Variants in EFCAB8 observed in about 807,000 individuals in gnomAD.
EFCAB8 encodes the protein EF-hand calcium binding domain 8.
In EFCAB8, 100 loss-of-function variants were observed where a neutral mutation model predicts 116.3. That is an observed-to-expected ratio of 0.86 (90% CI 0.73 to 1.02). The LOEUF is 1.02. Among genes scored for constraint, EFCAB8 ranks in the 50% least tolerant of loss-of-function variants. EFCAB8 has a pLI of 0.00. For synonymous variants in EFCAB8, 558 were observed against 567.9 expected (o/e 0.98, Z 0.25); for missense variants, 1,320 against 1,416.9 (o/e 0.93, Z 1.10).
At position 32,959,409 on chromosome 20, in the gene EFCAB8, T is replaced by C. The variant is rs565168976; in HGVS notation, c.3090-369T>C. Reference sequence around the variant, plus strand: ...TGACTCCTATGCTTCCATCAAGGCATACATCTTGACAGTACAGTGGAGGGA... The same window carrying C: ...TGACTCCTATGCTTCCATCAAGGCACACATCTTGACAGTACAGTGGAGGGA... On this transcript the variant is annotated intron_variant, in intron 24 of 26. Coordinates refer to ENST00000400522, the MANE Select transcript of EFCAB8 (RefSeq NM_001143967.2). Among the ~76,000 whole-genome samples, 3 of 152,328 alleles carry C rather than the reference T, an allele frequency of 2.0e-5. No homozygotes were observed. The South Asian group carries it at 6.2e-4, about 32-fold the overall frequency.
chr20:32,943,510 C>T (rs1988470612), intron 22 of EFCAB8, 126 bp from the exon 23 acceptor site: 2 of 414,790 alleles, frequency 4.8e-6, no homozygotes, highest in Non-Finnish European at 8.9e-6. Flanking sequence ...GCATCTAGAA[C>T]TAGAACGCTA....
rs1983964097 is a variant in EFCAB8, at chr20:32,859,015, G to A, written c.-11+9G>A. ...GATCAAATTGAGTCAGGGTGAGTGA[G>A]GGTTTTAGGTGAAAGTTGCTCTCCA... On this transcript the variant is annotated intron_variant, in intron 1 of 26. Coordinates refer to ENST00000400522, the MANE Select transcript of EFCAB8 (RefSeq NM_001143967.2). 1 of 471,048 alleles carries A rather than the reference G, an allele frequency of 2.1e-6. No individual in the cohort carries two copies. Among genetic ancestry groups the A allele is most frequent in the African/African-American group, 2.0e-5 (1 of 50,078 alleles). The allele number at this position is 471,048 out of a possible 1,614,324, so 29.2% of individuals were successfully genotyped here.
At chr20:32,868,237 A>G (rs983215377) in intron 3 of EFCAB8, among the ~76,000 whole-genome samples, 1 of 152,054 alleles carries the variant, frequency 6.6e-6, no homozygotes, top group African/African-American at 2.4e-5. Context: ...TAAAAAAATA[A>G]TAATTGTAGA....
At chr20:32,955,602 A>G (rs978217779) in intron 23 of EFCAB8, among the ~76,000 whole-genome samples, 2 of 152,212 alleles carry the variant, frequency 1.3e-5, no homozygotes, top group African/African-American at 4.8e-5. Flanking sequence ...TCAGTATTCG[A>G]GAGTCCTGTT....
At chr20:32,919,315 G>GCT in intron 19 of EFCAB8, among the ~76,000 whole-genome samples, 1 of 152,224 alleles carries the variant, frequency 6.6e-6, no homozygotes, top group Middle Eastern at 3.4e-3. Flanking sequence ...CACAATAATT[G>GCT]CTAGGCATAG....
intron 21 of EFCAB8, 45 bp downstream of exon 21, chr20:32,930,661 A>C (rs1404378606): frequency 3.9e-6 from 6 of 1,527,354 alleles, no homozygotes; most frequent in Non-Finnish European, 5.3e-6. Context: ...GTGCCAGCTA[A>C]GTGTTCGGCC....
chr20:32,947,283 A>G (rs1433924720), intron 23 of EFCAB8, among the ~76,000 whole-genome samples: 6 of 152,244 alleles, frequency 3.9e-5, no homozygotes, highest in Non-Finnish European at 7.3e-5. Flanking sequence ...TGAGATTTCA[A>G]TATTCTCTCA....
Position 32,863,846 on chromosome 20 carries a change from A to C in EFCAB8, c.42+12A>C. ...CTCAACTCCAAAAGGTAAGAAAGACAATTATCTGAACTAATAAAGGGTGGG... is the reference window on the plus strand; with the variant it reads ...CTCAACTCCAAAAGGTAAGAAAGACCATTATCTGAACTAATAAAGGGTGGG... On this transcript the variant is annotated intron_variant, in intron 2 of 26. Coordinates refer to ENST00000400522, the MANE Select transcript of EFCAB8 (RefSeq NM_001143967.2). 6.4e-7 allele frequency: 1 copy of C among 1,551,322 alleles called. No homozygotes were observed. The highest frequency in any genetic ancestry group is 8.7e-7 in the Non-Finnish European group (1 of 1,146,796).
In EFCAB8 at chr20:32,917,483, C is replaced by A. The variant is rs192899655; in HGVS notation, c.2039C>A (p.Pro680His). 1.4e-4 allele frequency: 215 copies of A among 1,551,926 alleles called. No homozygotes were observed. In the African/African-American group the frequency reaches 2.1e-3, roughly 15 times the overall value. ...PIFNFNASRSPSPLQPKRVQD... is the reference protein window; with the variant it reads ...PIFNFNASRSHSPLQPKRVQD... ...TTCAACTTCAATGCCTCTAGGAGCC[C>A]CTCGCCCTTGCAGCCCAAGAGGGTA... Residue 680 changes from proline (P) to histidine (H), a missense_variant, in exon 18 of 27, where the codon CCC becomes CAC. Physicochemically the swap from Pro to His is moderately conservative, Grantham distance 77. Transcript: ENST00000400522.
Position 32,906,998 on chromosome 20 carries a change from C to T in EFCAB8, c.1308+4C>T, listed in dbSNP as rs1225384964. The T allele has an allele frequency of 9.3e-6, 14 of 1,500,204 alleles. No homozygotes were observed. Among genetic ancestry groups the T allele is most frequent in the East Asian group, 7.4e-5 (3 of 40,488 alleles). The allele number at this position is 1,500,204 out of a possible 1,614,324, so 92.9% of individuals were successfully genotyped here. A position where few individuals can be genotyped will look rare whatever the true frequency, so the allele number is the denominator to read the frequency against. The stretch of plus-strand genomic sequence containing the variant: ...CATCAGTGTCTCCAAGGACAAGGTC[C>T]GCCCCGACGGTCCGCCTGACTCCTT... On this transcript the variant is annotated splice_donor_region_variant and intron_variant, in intron 13 of 26. Transcript: ENST00000400522.
intron 17 of EFCAB8, among the ~76,000 whole-genome samples, chr20:32,915,562 C>T (rs1023115087): frequency 1.3e-4 from 20 of 152,178 alleles, no homozygotes; most frequent in African/African-American, 4.8e-4. Flanking sequence ...GCTTTCTCTG[C>T]ATCTGTCCTC....
At chr20:32,898,657 G>C (rs562057337) in intron 11 of EFCAB8, 34 bp downstream of exon 11, 1 of 714,232 alleles carries the variant, frequency 1.4e-6, no homozygotes, top group South Asian at 1.5e-5. Context: ...TAAGGCGGTG[G>C]GGCTGGAAGG....
chr20:32,937,232 G>A (rs533362040), intron 22 of EFCAB8, among the ~76,000 whole-genome samples: 11 of 151,892 alleles, frequency 7.2e-5, no homozygotes, highest in East Asian at 5.8e-4. Context: ...CGACTGCCTC[G>A]GCCTCCCAAA....
At chr20:32,959,688 C>A in intron 24 of EFCAB8, 90 bp from the exon 25 acceptor site, 1 of 952,066 alleles carries the variant, frequency 1.1e-6, no homozygotes, top group Non-Finnish European at 1.5e-6. Flanking sequence ...AAGGATCAGG[C>A]CAGGAAGGGG....
At chr20:32,914,502 G>T (rs1987091182) in intron 17 of EFCAB8, among the ~76,000 whole-genome samples, 1 of 152,154 alleles carries the variant, frequency 6.6e-6, no homozygotes. Context: ...TATAAAGAAT[G>T]CCTGAGACTG....
intron 20 of EFCAB8, among the ~76,000 whole-genome samples, chr20:32,920,517 T>C (rs1309281660): frequency 6.6e-6 from 1 of 152,116 alleles, no homozygotes; most frequent in Non-Finnish European, 1.5e-5. Flanking sequence ...CTCACAATCA[T>C]GGCGGGAGGC....
At chr20:32,887,879 T>A (rs1487002152) in intron 6 of EFCAB8, among the ~76,000 whole-genome samples, 1 of 152,214 alleles carries the variant, frequency 6.6e-6, no homozygotes, top group African/African-American at 2.4e-5. Flanking sequence ...GAACAAATTA[T>A]CGGTTAGTAA....
chr20:32,961,114 C>T (rs1430381864), intron 26 of EFCAB8, 22 bp from the exon 27 acceptor site: 2 of 1,548,552 alleles, frequency 1.3e-6, no homozygotes, highest in Admixed American at 3.9e-5. Flanking sequence ...CCCATTCCCG[C>T]TCCCCACTCT....
At chr20:32,918,669 T>C (rs1354085615) in intron 19 of EFCAB8, 95 bp downstream of exon 19, 1 of 1,304,860 alleles carries the variant, frequency 7.7e-7, no homozygotes, top group Non-Finnish European at 1.1e-6. Flanking sequence ...TGGGATGTAC[T>C]TTTTCCAAAG....
Sources: gnomAD v4.1 joint callset for allele counts (sites outside exome capture counted in the v4.1 genomes callset) on GRCh38, gnomAD v4.1.1 for gene constraint, MANE v1.5 for transcripts, NCBI Gene and HGNC (gene_info 2026-07-23, HGNC 2026-07-21) for gene names.